The following ANO3 variants were observed in gnomAD, a reference collection of about 807,000 sequenced individuals.
ANO3 encodes anoctamin 3.
A neutral mutation model predicts 144.8 loss-of-function variants in ANO3; 99 were observed. The observed-to-expected ratio is 0.68, with a 90% CI of 0.58 to 0.81. ANO3 has a LOEUF of 0.81. Ranked by LOEUF, ANO3 falls within the 30% of genes least tolerant of loss-of-function variation. The pLI is 0.00. For synonymous variants in ANO3, 414 were observed against 392.6 expected, an observed-to-expected ratio of 1.05 and a Z score of -0.64; for missense variants, 905 against 1,202.2, an observed-to-expected ratio of 0.75 and a Z score of 3.66.
chr11:26,206,326 G>T (rs1367120065), intron 1 of ANO3, among the ~76,000 whole-genome samples: 4 of 152,050 alleles, frequency 2.6e-5, no homozygotes, highest in Non-Finnish European at 4.4e-5. Context: ...AGTACTACAT[G>T]GTTATAATTA....
chr11:26,529,631 A>G (rs1017999548), intron 7 of ANO3, among the ~76,000 whole-genome samples: 6 of 149,238 alleles, frequency 4.0e-5, no homozygotes, highest in East Asian at 2.0e-4. Flanking sequence ...AAAATATTCT[A>G]TCCTGCTATT....
Position 26,304,290 on chromosome 11 carries a change from G to A in ANO3, c.155-5355G>A, listed in dbSNP as rs151083263. ...AGTATGTTGAGTACCTATAGCAATG[G>A]CAAATGTAGATTGTCCTCTACATAA... On this transcript the variant is annotated intron_variant, in intron 1 of 27. Transcript: ENST00000672621. Among the ~76,000 whole-genome samples, 46 of 151,986 alleles carry A rather than the reference G, an allele frequency of 3.0e-4. 1 individual carries two copies. In the East Asian group the frequency reaches 5.2e-3, roughly 17 times the overall value.
At chr11:26,451,857 C>T (rs1445722146) in intron 3 of ANO3, among the ~76,000 whole-genome samples, 3 of 152,184 alleles carry the variant, frequency 2.0e-5, no homozygotes, top group Admixed American at 2.0e-4. Flanking sequence ...AGACTGACAC[C>T]TCACATGGCC....
At chr11:26,547,317 T>A in intron 11 of ANO3, 99 bp from the exon 12 acceptor site, 1 of 1,248,892 alleles carries the variant, frequency 8.0e-7, no homozygotes, top group Non-Finnish European at 1.1e-6. Flanking sequence ...GAGTGTAGCT[T>A]CAAGTTACCA....
upstream of ANO3, chr11:26,309,592 G>A (rs1233973287): frequency 3.5e-6 from 3 of 846,634 alleles, no homozygotes; most frequent in Non-Finnish European, 4.3e-6. Context: ...TCTCTTTCTG[G>A]TCTACTGAGT....
At chr11:26,604,081 G>T (rs991126589) in intron 17 of ANO3, among the ~76,000 whole-genome samples, 1 of 151,978 alleles carries the variant, frequency 6.6e-6, no homozygotes, top group Admixed American at 6.6e-5. Context: ...TGTACCCATT[G>T]ATCAACCTCT....
At chr11:26,309,292 G>T (rs537640785), upstream of ANO3, among the ~76,000 whole-genome samples, 2 of 152,266 alleles carry the variant, frequency 1.3e-5, no homozygotes, top group East Asian at 3.9e-4. Flanking sequence ...CAAAGGAAAA[G>T]GTACAGCCTC....
At chr11:26,221,463 C>T (rs1852142178) in intron 1 of ANO3, among the ~76,000 whole-genome samples, 1 of 152,216 alleles carries the variant, frequency 6.6e-6, no homozygotes, top group Admixed American at 6.5e-5. Flanking sequence ...TTGTCTAACA[C>T]AGGCTTCATG....
chr11:26,647,766 T>C lies in ANO3; in HGVS notation c.2486T>C (p.Phe829Ser), dbSNP rs769903695. The change falls in exon 24 of 27, where the codon TTT becomes TCT. Residue 829 changes from phenylalanine to serine, a missense_variant. Around this residue, in one of 4 missense-constraint regions of ANO3, gnomAD observed 597 missense variants for 865.1 expected, o/e 0.69. Coordinates refer to ENST00000256737, the MANE Select transcript of ANO3 (RefSeq NM_031418.4). The part of the protein sequence containing the change: ...IGILAVITNA[F>S]VIAITSDYIP... Reference sequence around the variant, plus strand: ...ATATTGGCTGTGATCACCAATGCATTTGTAATTGCTATTACTTCTGATTAC... The same window carrying C: ...ATATTGGCTGTGATCACCAATGCATCTGTAATTGCTATTACTTCTGATTAC... 1.2e-6 allele frequency: 2 copies of C among 1,613,174 alleles called. No homozygotes were observed. Among genetic ancestry groups the C allele is most frequent in the Admixed American group, 1.7e-5 (1 of 59,996 alleles).
intron 1 of ANO3, among the ~76,000 whole-genome samples, chr11:26,362,487 G>C (rs1359084156): frequency 1.3e-5 from 2 of 152,154 alleles, no homozygotes; most frequent in Non-Finnish European, 2.9e-5. Context: ...AGTAAAGCCT[G>C]CAGATTTTTG....
Position 26,610,207 on chromosome 11 carries a change from G to A in ANO3, c.1836+10493G>A, listed in dbSNP as rs113216014. On this transcript the variant is annotated intron_variant, in intron 17 of 26. Transcript: ENST00000256737. ...ATTACAGGCGTAAGCCACCGCTCCC[G>A]GCCTACTTTGTATTTTTGATTCTAG... Among the ~76,000 whole-genome samples, 545 of 152,172 alleles carry A rather than the reference G, an allele frequency of 3.6e-3. 3 individuals are homozygous for A. Among genetic ancestry groups the A allele is most frequent in the Non-Finnish European group, 5.7e-3 (387 of 68,006 alleles).
intron 14 of ANO3, among the ~76,000 whole-genome samples, chr11:26,562,388 T>G (rs919644908): frequency 1.3e-5 from 2 of 151,938 alleles, no homozygotes; most frequent in Non-Finnish European, 2.9e-5. Flanking sequence ...TTATTTGTTA[T>G]GGTGACAAGA....
At chr11:26,396,844 A>T (rs945370027) in intron 1 of ANO3, among the ~76,000 whole-genome samples, 3 of 151,960 alleles carry the variant, frequency 2.0e-5, no homozygotes, top group Admixed American at 2.0e-4. Context: ...TCTAATGTAG[A>T]TGATGGGTTG....
At chr11:26,454,065 A>G (rs373410515) in intron 3 of ANO3, among the ~76,000 whole-genome samples, 8,168 of 152,142 alleles carry the variant, frequency 0.054, 270 homozygotes, top group African/African-American at 0.086. Flanking sequence ...TCTCTGGGAC[A>G]CATTCAAAGC....
At chr11:26,432,643 A>G (rs1048804761) in intron 1 of ANO3, among the ~76,000 whole-genome samples, 5 of 152,122 alleles carry the variant, frequency 3.3e-5, no homozygotes, top group Admixed American at 2.6e-4. Flanking sequence ...TCACAGCACC[A>G]TTTATTGAAT....
At position 26,650,392 on chromosome 11, in the gene ANO3, T is replaced by C. The variant is rs574511461; in HGVS notation, c.2576+2536T>C. ...AGATAGATGCGTGTTTGAATCTAGG[T>C]TCCGAGGGCAGTCCTTCTTAACATG... is the stretch of plus-strand genomic sequence containing the variant. On this transcript the variant is annotated intron_variant, in intron 24 of 26. Transcript: ENST00000256737. 7.9e-5 allele frequency among the ~76,000 whole-genome samples: 12 copies of C among 152,296 alleles called. No homozygotes were observed. In the South Asian group the frequency reaches 2.5e-3, roughly 32 times the overall value.
In ANO3 at chr11:26,640,555, A is replaced by G. The variant is rs541670871; in HGVS notation, c.2141+1314A>G. On this transcript the variant is annotated intron_variant, in intron 21 of 26. Coordinates refer to ENST00000256737, the MANE Select transcript of ANO3 (RefSeq NM_031418.4). ...GAATGTAACATGCTGTGAGTACTCC[A>G]TAAGTATCAACAAGATGATGTAGGG... is the stretch of plus-strand genomic sequence containing the variant. Among the ~76,000 whole-genome samples the G allele has an allele frequency of 2.0e-5, 3 of 152,352 alleles. No homozygotes were observed. The East Asian group carries it at 5.8e-4, about 29-fold the overall frequency.
At chr11:26,320,595 T>G (rs1163804677) in intron 1 of ANO3, among the ~76,000 whole-genome samples, 1 of 152,192 alleles carries the variant, frequency 6.6e-6, no homozygotes, top group Non-Finnish European at 1.5e-5. Context: ...ATTTATTAAT[T>G]TCTTGGTTGT....
At chr11:26,422,869 T>G (rs1158443161) in intron 1 of ANO3, among the ~76,000 whole-genome samples, 1 of 151,998 alleles carries the variant, frequency 6.6e-6, no homozygotes, top group Non-Finnish European at 1.5e-5. Flanking sequence ...AACTTTGTAC[T>G]CTGAGAACAT....
Sources: gnomAD v4.1 joint callset for allele counts (sites outside exome capture counted in the v4.1 genomes callset) on GRCh38, gnomAD v4.1.1 for gene constraint, gnomAD v4.1.1 regional missense constraint, MANE v1.5 for transcripts, NCBI Gene and HGNC (gene_info 2026-07-23, HGNC 2026-07-21) for gene names.